The following CAMTA1 variants were observed in gnomAD, a reference collection of about 807,000 sequenced individuals.
CAMTA1 encodes the protein calmodulin-binding transcription activator 1.
CAMTA1 carries 27 observed loss-of-function variants against 170.9 expected under a neutral mutation model. That is an observed-to-expected ratio of 0.16 (90% CI 0.12 to 0.22). CAMTA1 has a LOEUF of 0.22. CAMTA1 is among the 10% of genes least tolerant of loss of function. The pLI is 1.00. For synonymous variants in CAMTA1, 833 were observed against 891.5 expected, an observed-to-expected ratio of 0.93 and a Z score of 1.17; for missense variants, 1,619 against 2,217.2, an observed-to-expected ratio of 0.73 and a Z score of 5.42.
rs985194394 is a variant in CAMTA1, at chr1:7,351,293, C to T, written c.438+101667C>T. Among the ~76,000 whole-genome samples the T allele has an allele frequency of 5.3e-5, 8 of 152,222 alleles. No homozygotes were observed. In the East Asian group the frequency reaches 5.8e-4, roughly 11 times the overall value. ...GTGAATTGTTCTGCCTTCTTAGTGA[C>T]GCCACGCACTCAGGAGCTGGAAATA... On this transcript the variant is annotated intron_variant, in intron 5 of 22. Transcript: ENST00000303635.
chr1:7,180,114 C>T (rs1172527215), intron 4 of CAMTA1, among the ~76,000 whole-genome samples: 4 of 152,078 alleles, frequency 2.6e-5, no homozygotes, highest in Non-Finnish European at 4.4e-5. Flanking sequence ...CATCTGTAAT[C>T]CCAGCACTTT....
intron 3 of CAMTA1, among the ~76,000 whole-genome samples, chr1:7,011,448 A>G (rs890270488): frequency 2.0e-5 from 3 of 151,676 alleles, no homozygotes; most frequent in Non-Finnish European, 4.4e-5. Context: ...CCATCTTTCT[A>G]GCGCCCTCTG....
At chr1:7,261,895 A>G (rs112328909) in intron 5 of CAMTA1, among the ~76,000 whole-genome samples, 1 of 152,214 alleles carries the variant, frequency 6.6e-6, no homozygotes, top group Non-Finnish European at 1.5e-5. Flanking sequence ...AAATACTGTA[A>G]TCTTTTCCAT....
At chr1:6,923,590 G>A (rs35315759) in intron 3 of CAMTA1, among the ~76,000 whole-genome samples, 1 of 152,198 alleles carries the variant, frequency 6.6e-6, no homozygotes, top group Non-Finnish European at 1.5e-5. Flanking sequence ...GTGAAATGGA[G>A]GGTGGCGGGG....
chr1:6,977,531 G>A (rs1044976227), intron 3 of CAMTA1, among the ~76,000 whole-genome samples: 2 of 152,084 alleles, frequency 1.3e-5, no homozygotes, highest in African/African-American at 2.4e-5. Flanking sequence ...TAGTACAGAC[G>A]AGGTTTCACC....
chr1:7,140,328 T>C (rs1306158823), intron 4 of CAMTA1, among the ~76,000 whole-genome samples: 1 of 152,192 alleles, frequency 6.6e-6, no homozygotes, highest in Admixed American at 6.5e-5. Context: ...GGCAACTTTT[T>C]TTTCCCCTGA....
chr1:7,445,866 G>A (rs2092666174), intron 5 of CAMTA1, among the ~76,000 whole-genome samples: 2 of 152,186 alleles, frequency 1.3e-5, no homozygotes, highest in Admixed American at 6.5e-5. Flanking sequence ...CTTGACTTGA[G>A]CGAACATTCA....
At chr1:7,312,863 T>C (rs913874536) in intron 5 of CAMTA1, among the ~76,000 whole-genome samples, 3 of 152,234 alleles carry the variant, frequency 2.0e-5, no homozygotes, top group Non-Finnish European at 4.4e-5. Context: ...GCTTTGAGTT[T>C]TTGTTTTAAA....
At chr1:7,711,976 G>C (rs1473132198) in intron 11 of CAMTA1, among the ~76,000 whole-genome samples, 1 of 152,042 alleles carries the variant, frequency 6.6e-6, no homozygotes, top group Non-Finnish European at 1.5e-5. Flanking sequence ...TTGCAGGAGA[G>C]AAATAATTAA....
intron 6 of CAMTA1, among the ~76,000 whole-genome samples, chr1:7,490,341 C>T (rs1444864585): frequency 1.3e-5 from 2 of 152,126 alleles, no homozygotes; most frequent in African/African-American, 2.4e-5. Flanking sequence ...TCCATAAAGT[C>T]GGAACTGTCA....
chr1:7,200,316 G>A (rs758800677), intron 4 of CAMTA1, among the ~76,000 whole-genome samples: 56 of 152,118 alleles, frequency 3.7e-4, no homozygotes, highest in Non-Finnish European at 6.6e-4. Flanking sequence ...ACATAACCAC[G>A]TCTTATACAT....
In CAMTA1 at chr1:7,453,279, A is replaced by C. The variant is rs963855313; in HGVS notation, c.439-14551A>C. 9.2e-5 allele frequency among the ~76,000 whole-genome samples: 14 copies of C among 152,214 alleles called. 1 individual carries two copies. Among genetic ancestry groups the C allele is most frequent in the African/African-American group, 3.4e-4 (14 of 41,462 alleles). On this transcript the variant is annotated intron_variant, in intron 5 of 22. Transcript: ENST00000303635. Reference sequence around the variant, plus strand: ...AAGCACATGGCCCAGAATGAGCCACACGGGGTGACTGTGGCTTTGGGCAGG... The same window carrying C: ...AAGCACATGGCCCAGAATGAGCCACCCGGGGTGACTGTGGCTTTGGGCAGG...
intron 11 of CAMTA1, among the ~76,000 whole-genome samples, chr1:7,724,692 T>A (rs892827631): frequency 9.2e-5 from 14 of 151,832 alleles, no homozygotes; most frequent in African/African-American, 3.1e-4. Context: ...GTGTGGTGGC[T>A]CATGCCTGTA....
At chr1:7,066,133 A>T (rs1708925279) in intron 3 of CAMTA1, among the ~76,000 whole-genome samples, 1 of 152,140 alleles carries the variant, frequency 6.6e-6, no homozygotes, top group South Asian at 2.1e-4. Context: ...CTTCTCTGAG[A>T]CCATCCTCTC....
At chr1:7,399,160 T>G (rs959239102) in intron 5 of CAMTA1, among the ~76,000 whole-genome samples, 7 of 152,114 alleles carry the variant, frequency 4.6e-5, no homozygotes, top group Non-Finnish European at 7.3e-5. Context: ...TCATGAAAGG[T>G]TTGGTTCTGT....
chr1:7,310,975 C>T lies in CAMTA1; in HGVS notation c.438+61349C>T, dbSNP rs114187531. 2.6e-3 allele frequency among the ~76,000 whole-genome samples: 398 copies of T among 152,140 alleles called. 1 individual carries two copies. The highest frequency in any genetic ancestry group is 9.0e-3 in the African/African-American group (375 of 41,462). ...CAAACTCCTGGGCTCAAGTGATCCA[C>T]GGGCCTAAGCCTCCCAAACTGCTGG... On this transcript the variant is annotated intron_variant, in intron 5 of 22. Transcript: ENST00000303635.
intron 5 of CAMTA1, among the ~76,000 whole-genome samples, chr1:7,372,903 G>A (rs924526599): frequency 6.6e-6 from 1 of 152,178 alleles, no homozygotes; most frequent in African/African-American, 2.4e-5. Flanking sequence ...CACCCTGGTG[G>A]AGCAAAGGGG....
At chr1:7,094,392 T>C (rs1641825440) in intron 4 of CAMTA1, among the ~76,000 whole-genome samples, 1 of 152,214 alleles carries the variant, frequency 6.6e-6, no homozygotes, top group Admixed American at 6.5e-5. Flanking sequence ...CAACTTCTGT[T>C]TGCTGCTGCC....
At chr1:7,364,760 G>A (rs1352424214) in intron 5 of CAMTA1, among the ~76,000 whole-genome samples, 3 of 152,176 alleles carry the variant, frequency 2.0e-5, no homozygotes, top group Admixed American at 6.5e-5. Context: ...GCAGAGATGC[G>A]TGTCTGTGGA....
Sources: gnomAD v4.1 joint callset for allele counts (sites outside exome capture counted in the v4.1 genomes callset) on GRCh38, gnomAD v4.1.1 for gene constraint, MANE v1.5 for transcripts, NCBI Gene and HGNC (gene_info 2026-07-23, HGNC 2026-07-21) for gene names.